The following CIMIP7 variants were observed in gnomAD, a reference collection of about 807,000 sequenced individuals.
CIMIP7 encodes uncharacterized protein C3orf84.
At chr3:49,191,147 C>T in the CIMIP7 span, among the ~76,000 whole-genome samples, 1 of 152,294 alleles carries the variant, frequency 6.6e-6, no homozygotes, top group Non-Finnish European at 1.5e-5. Flanking sequence ...ATGGGTGTGT[C>T]TGGCCCTCCA....
the CIMIP7 span, chr3:49,177,677 C>A: frequency 1.2e-6 from 2 of 1,606,742 alleles, no homozygotes; most frequent in South Asian, 1.1e-5. Context: ...TTTAGACACT[C>A]AGAGACCCCA....
chr3:49,182,921 G>A, the CIMIP7 span, among the ~76,000 whole-genome samples: 937 of 152,278 alleles, frequency 6.2e-3, 9 homozygotes, highest in African/African-American at 0.021. Context: ...AGTGCAGCCC[G>A]CTGAGCCCAT....
chr3:49,179,909 G>A, the CIMIP7 span, among the ~76,000 whole-genome samples: 5 of 152,116 alleles, frequency 3.3e-5, no homozygotes, highest in Admixed American at 6.5e-5. Flanking sequence ...AGGCCGAGGC[G>A]GGTGGATCAC....
chr3:49,178,317 A>G, the CIMIP7 span, among the ~76,000 whole-genome samples: 12 of 152,166 alleles, frequency 7.9e-5, no homozygotes, highest in African/African-American at 2.9e-4. Context: ...TTGGGGGAAT[A>G]GGCTGTTTCC....
the CIMIP7 span, chr3:49,177,762 C>T: frequency 1.9e-6 from 3 of 1,610,070 alleles, no homozygotes; most frequent in African/African-American, 4.0e-5. Flanking sequence ...TGACCGGCGC[C>T]TGGGGCCCTA....
the CIMIP7 span, among the ~76,000 whole-genome samples, chr3:49,190,606 C>G: frequency 6.6e-6 from 1 of 151,618 alleles, no homozygotes; most frequent in African/African-American, 2.4e-5. Flanking sequence ...AGTCATTCTC[C>G]TGCCTCAGCC....
At chr3:49,191,786 A>T in the CIMIP7 span, 1 of 1,551,154 alleles carries the variant, frequency 6.4e-7, no homozygotes, top group Non-Finnish European at 8.7e-7. Flanking sequence ...CCAAGAAGGG[A>T]GCAGAAAAGG....
the CIMIP7 span, chr3:49,177,855 C>T: frequency 6.2e-7 from 1 of 1,613,508 alleles, no homozygotes; most frequent in Non-Finnish European, 8.5e-7. Flanking sequence ...AAGGCTGGAC[C>T]TGCACAAAGT....
At chr3:49,189,755 G>A in the CIMIP7 span, 15 of 566,358 alleles carry the variant, frequency 2.6e-5, no homozygotes, top group Non-Finnish European at 5.1e-5. Context: ...CTGGGTTCTA[G>A]AGGCTCTTTG....
At chr3:49,188,999 T>A in the CIMIP7 span, among the ~76,000 whole-genome samples, 1 of 151,030 alleles carries the variant, frequency 6.6e-6, no homozygotes, top group African/African-American at 2.4e-5. Context: ...AGTTTTGCTC[T>A]TGTTGCCCAG....
the CIMIP7 span, among the ~76,000 whole-genome samples, chr3:49,178,261 T>C: frequency 1.1e-4 from 16 of 152,200 alleles, no homozygotes; most frequent in Non-Finnish European, 1.6e-4. Context: ...TACTTGCATA[T>C]TGTCTGGCAA....
the CIMIP7 span, chr3:49,191,744 C>T: frequency 6.3e-7 from 1 of 1,586,284 alleles, no homozygotes; most frequent in Non-Finnish European, 8.5e-7. Flanking sequence ...TGCACTCTTA[C>T]CCAGGAGCCT....
the CIMIP7 span, among the ~76,000 whole-genome samples, chr3:49,187,803 C>T: frequency 6.6e-6 from 1 of 152,136 alleles, no homozygotes; most frequent in African/African-American, 2.4e-5. Context: ...CTGAGCAGTC[C>T]TATTAATTAA....
chr3:49,183,144 G>C, the CIMIP7 span, among the ~76,000 whole-genome samples: 1 of 152,216 alleles, frequency 6.6e-6, no homozygotes, highest in East Asian at 1.9e-4. Context: ...GAGCAAGCAA[G>C]GGCTGTGAGG....
chr3:49,180,798 C>T, the CIMIP7 span, among the ~76,000 whole-genome samples: 4 of 151,638 alleles, frequency 2.6e-5, no homozygotes, highest in South Asian at 2.1e-4. Context: ...GGTGTGATGG[C>T]GGGCGCCTGT....
the CIMIP7 span, among the ~76,000 whole-genome samples, chr3:49,181,375 G>C: frequency 1.3e-5 from 2 of 151,048 alleles, no homozygotes; most frequent in East Asian, 3.9e-4. Flanking sequence ...AGCTGAGGCC[G>C]TGCAGTGGCT....
At chr3:49,189,755 G>T in the CIMIP7 span, 1 of 566,476 alleles carries the variant, frequency 1.8e-6, no homozygotes, top group Non-Finnish European at 3.4e-6. Context: ...CTGGGTTCTA[G>T]AGGCTCTTTG....
At chr3:49,189,605 C>A in the CIMIP7 span, among the ~76,000 whole-genome samples, 3 of 152,212 alleles carry the variant, frequency 2.0e-5, no homozygotes, top group Admixed American at 2.0e-4. Context: ...TCCTGTACTA[C>A]TTCCCTGACC....
At chr3:49,190,007 T>G in the CIMIP7 span, 2 of 1,597,314 alleles carry the variant, frequency 1.3e-6, no homozygotes, top group Non-Finnish European at 1.7e-6. Flanking sequence ...CCCCGCTGCC[T>G]TCAGGTCTGC....
Sources: gnomAD v4.1 joint callset for allele counts (sites outside exome capture counted in the v4.1 genomes callset) on GRCh38, gnomAD v4.1.1 for gene constraint, MANE v1.5 for transcripts, NCBI Gene and HGNC (gene_info 2026-07-23, HGNC 2026-07-21) for gene names.